Variants in WWOX observed in about 807,000 individuals in gnomAD.
WWOX encodes the protein WW domain-containing oxidoreductase.
Under a neutral mutation model 46.2 loss-of-function variants are expected in WWOX, and 69 were observed. The observed-to-expected ratio is 1.49, with a 90% CI of 1.23 to 1.82. The LOEUF (loss-of-function observed/expected upper bound fraction) is 1.82. WWOX is among the 40% of genes most tolerant of loss of function. WWOX has a pLI of 0.00. For missense variants in WWOX, 919 were observed against 542.6 expected (o/e 1.69, Z -6.89); for synonymous variants, 359 against 202.6 (o/e 1.77, Z -6.56).
chr16:78,789,311 C>T lies in WWOX; in HGVS notation c.1056+356559C>T, dbSNP rs118023915. ...ATGTTAAGACTTTTGATCCATTTTA[C>T]GTCAATTTTTCTATATAGTTTAAGG... On this transcript the variant is annotated intron_variant, in intron 8 of 8. Coordinates refer to ENST00000566780, the MANE Select transcript of WWOX (RefSeq NM_016373.4). 2.4e-3 allele frequency among the ~76,000 whole-genome samples: 360 copies of T among 152,218 alleles called. 3 individuals carry two copies. Among genetic ancestry groups the T allele is most frequent in the Non-Finnish European group, 3.9e-3 (268 of 67,998 alleles).
At chr16:78,556,996 G>T (rs1407008102) in intron 8 of WWOX, among the ~76,000 whole-genome samples, 3 of 152,016 alleles carry the variant, frequency 2.0e-5, no homozygotes, top group Non-Finnish European at 4.4e-5. Flanking sequence ...AGGGATTAAG[G>T]CGTGAGCCAC....
At chr16:78,780,118 C>T (rs917469700) in intron 8 of WWOX, among the ~76,000 whole-genome samples, 1 of 152,090 alleles carries the variant, frequency 6.6e-6, no homozygotes, top group African/African-American at 2.4e-5. Flanking sequence ...CCTGTGAGCC[C>T]CTGGGGTCCT....
At chr16:78,837,641 G>T (rs953228378) in intron 8 of WWOX, among the ~76,000 whole-genome samples, 1 of 152,016 alleles carries the variant, frequency 6.6e-6, no homozygotes, top group Non-Finnish European at 1.5e-5. Flanking sequence ...ACTGTTTATT[G>T]GTGAACCAAA....
In WWOX at chr16:78,224,901, A is replaced by C. The variant is rs1276730593; in HGVS notation, c.516+60612A>C. On this transcript the variant is annotated intron_variant, in intron 5 of 8. Coordinates refer to ENST00000566780, the MANE Select transcript of WWOX (RefSeq NM_016373.4). ...TGTGTTAACAATTTCTTTCTTTTGC[A>C]AATGATCTATTAATGTTCTGTGACT... Among the ~76,000 whole-genome samples, 4 of 152,312 alleles carry C rather than the reference A, an allele frequency of 2.6e-5. No homozygotes were observed. The East Asian group carries it at 7.7e-4, about 29-fold the overall frequency.
intron 8 of WWOX, among the ~76,000 whole-genome samples, chr16:78,606,620 G>A (rs1019257816): frequency 4.6e-5 from 7 of 151,202 alleles, no homozygotes; most frequent in Admixed American, 2.6e-4. Context: ...AGAATGGTGC[G>A]AAAATCAGTG....
At chr16:78,757,960 C>A (rs187998663) in intron 8 of WWOX, among the ~76,000 whole-genome samples, 1 of 152,064 alleles carries the variant, frequency 6.6e-6, no homozygotes, top group African/African-American at 2.4e-5. Flanking sequence ...TGGGGGGACA[C>A]ATTGATTCCA....
chr16:78,857,359 T>A (rs2052590842), intron 8 of WWOX, among the ~76,000 whole-genome samples: 1 of 152,224 alleles, frequency 6.6e-6, no homozygotes, highest in Non-Finnish European at 1.5e-5. Context: ...GCAGATAACT[T>A]CCATGTTGGT....
At chr16:79,022,461 C>T (rs887653528) in intron 8 of WWOX, among the ~76,000 whole-genome samples, 1 of 151,602 alleles carries the variant, frequency 6.6e-6, no homozygotes, top group Admixed American at 6.6e-5. Context: ...CATTTTGTCT[C>T]TGTGCCCTTT....
intron 8 of WWOX, among the ~76,000 whole-genome samples, chr16:78,474,941 T>G (rs1052587227): frequency 2.0e-5 from 3 of 152,226 alleles, no homozygotes; most frequent in Non-Finnish European, 4.4e-5. Flanking sequence ...TTTTTCAAAA[T>G]GAGTAAACAT....
chr16:78,645,720 C>T (rs746760042), intron 8 of WWOX, among the ~76,000 whole-genome samples: 2 of 152,146 alleles, frequency 1.3e-5, no homozygotes, highest in African/African-American at 4.8e-5. Context: ...AACCTAGACT[C>T]CTGTCATCAG....
At chr16:78,789,666 A>G (rs1231581078) in intron 8 of WWOX, among the ~76,000 whole-genome samples, 4 of 152,296 alleles carry the variant, frequency 2.6e-5, no homozygotes, top group South Asian at 2.1e-4. Context: ...TAAGATCAAT[A>G]TAATTTAAAT....
At chr16:78,458,509 C>T (rs543661177) in intron 8 of WWOX, among the ~76,000 whole-genome samples, 90 of 152,232 alleles carry the variant, frequency 5.9e-4, no homozygotes, top group Non-Finnish European at 9.9e-4. Flanking sequence ...CATCCTCCCA[C>T]CTCAGTCTCA....
chr16:78,750,626 T>C (rs2049452975), intron 8 of WWOX, among the ~76,000 whole-genome samples: 1 of 152,106 alleles, frequency 6.6e-6, no homozygotes. Context: ...AGTTTTTCAA[T>C]CCTTTTCTCC....
intron 8 of WWOX, among the ~76,000 whole-genome samples, chr16:78,955,303 A>G (rs1378663225): frequency 2.0e-5 from 3 of 152,184 alleles, no homozygotes; most frequent in Non-Finnish European, 2.9e-5. Context: ...TATTCTCCAC[A>G]GCTGCACATA....
chr16:78,570,941 G>A (rs757227730), intron 8 of WWOX, among the ~76,000 whole-genome samples: 8 of 152,152 alleles, frequency 5.3e-5, no homozygotes, highest in Non-Finnish European at 1.2e-4. Context: ...GTTTTGGGTA[G>A]AAGGAACAGA....
chr16:79,056,256 A>G (rs1185060199), intron 8 of WWOX, among the ~76,000 whole-genome samples: 1 of 151,294 alleles, frequency 6.6e-6, no homozygotes, highest in East Asian at 1.9e-4. Context: ...TTTTCATTGG[A>G]GGTTACCCCA....
At chr16:79,057,507 C>T (rs1163744102) in intron 8 of WWOX, among the ~76,000 whole-genome samples, 1 of 152,286 alleles carries the variant, frequency 6.6e-6, no homozygotes, top group African/African-American at 2.4e-5. Flanking sequence ...TGTTATATTT[C>T]CTGTGGCTGA....
intron 8 of WWOX, among the ~76,000 whole-genome samples, chr16:78,885,192 C>CT (rs58558697): frequency 0.016 from 2,082 of 127,702 alleles, 57 homozygotes; most frequent in African/African-American, 0.051. Flanking sequence ...TCACTCTCTA[C>CT]TTTTTTTTTT....
rs140829683 is a variant in WWOX at position 78,516,269 on chromosome 16, G to T, written c.1056+83517G>T. 3.8e-3 allele frequency among the ~76,000 whole-genome samples: 577 copies of T among 152,208 alleles called. 8 individuals carry two copies. The highest frequency in any genetic ancestry group is 0.035 in the South Asian group (167 of 4,814). On this transcript the variant is annotated intron_variant, in intron 8 of 8. Coordinates refer to ENST00000566780, the MANE Select transcript of WWOX (RefSeq NM_016373.4). ...ATGCCAAATGCAGGGAGGGTTTGCT[G>T]TTGGCTTTTACAAGAACACTGTCCT...
Sources: allele counts gnomAD v4.1 joint callset (sites outside exome capture counted in the v4.1 genomes callset), GRCh38; gene constraint gnomAD v4.1.1; transcripts MANE v1.5; gene names NCBI Gene and HGNC (gene_info 2026-07-23, HGNC 2026-07-21).